PTPRN2: variants seen among roughly 807,000 people sequenced by gnomAD.
PTPRN2 encodes protein tyrosine phosphatase receptor type N2, also known as receptor-type tyrosine-protein phosphatase N2.
PTPRN2 carries 74 observed loss-of-function variants against 118.8 expected under a neutral mutation model. The ratio of observed to expected loss-of-function variants is 0.62; its 90% CI spans 0.52 to 0.76. PTPRN2 has a LOEUF of 0.76. Ranked by LOEUF, PTPRN2 falls within the 30% of genes least tolerant of loss-of-function variation. PTPRN2 has a pLI of 0.00. For missense variants in PTPRN2, 1,481 were observed against 1,394.4 expected, an observed-to-expected ratio of 1.06 and a Z score of -0.99; for synonymous variants, 641 against 608.0, an observed-to-expected ratio of 1.05 and a Z score of -0.80.
intron 11 of PTPRN2, among the ~76,000 whole-genome samples, chr7:157,982,758 G>C (rs965749698): frequency 5.4e-5 from 6 of 111,864 alleles, no homozygotes; most frequent in African/African-American, 1.4e-4. Context: ...GGAATGCAGA[G>C]TGCAGGGTCC....
intron 6 of PTPRN2, among the ~76,000 whole-genome samples, chr7:158,154,198 A>C (rs1821481837): frequency 6.6e-6 from 1 of 152,214 alleles, no homozygotes; most frequent in Non-Finnish European, 1.5e-5. Context: ...AGCGTAACGC[A>C]GAGACAGGTG....
intron 10 of PTPRN2, among the ~76,000 whole-genome samples, chr7:158,108,292 C>A (rs1815854752): frequency 6.6e-6 from 1 of 152,094 alleles, no homozygotes; most frequent in South Asian, 2.1e-4. Flanking sequence ...CCCATTGCCA[C>A]CACACCCGCC....
chr7:157,967,724 A>G (rs1395765182), intron 11 of PTPRN2, among the ~76,000 whole-genome samples: 2 of 152,192 alleles, frequency 1.3e-5, no homozygotes, highest in African/African-American at 4.8e-5. Context: ...AAAAAGAGAA[A>G]AACTCAACAA....
At chr7:158,096,205 C>T (rs780061454) in intron 10 of PTPRN2, among the ~76,000 whole-genome samples, 2 of 152,122 alleles carry the variant, frequency 1.3e-5, no homozygotes, top group Non-Finnish European at 2.9e-5. Flanking sequence ...GCCTCACAGC[C>T]GTATACATAA....
intron 1 of PTPRN2, among the ~76,000 whole-genome samples, chr7:158,566,310 C>T (rs1000855941): frequency 1.3e-5 from 2 of 151,324 alleles, no homozygotes; most frequent in East Asian, 2.0e-4. Flanking sequence ...GCCAAGATCG[C>T]ACCATTGCAC....
At chr7:158,578,737 T>C (rs1316354314) in intron 1 of PTPRN2, among the ~76,000 whole-genome samples, 1 of 151,872 alleles carries the variant, frequency 6.6e-6, no homozygotes, top group Non-Finnish European at 1.5e-5. Flanking sequence ...ATTGTTCCCT[T>C]AAGTCCTACT....
At chr7:157,847,721 T>C (rs6956620) in intron 12 of PTPRN2, among the ~76,000 whole-genome samples, 3 of 140,180 alleles carry the variant, frequency 2.1e-5, no homozygotes, top group African/African-American at 2.7e-5. Flanking sequence ...CTCCATCATG[T>C]GTGCCCAATG....
At chr7:157,952,985 T>G (rs1800930119) in intron 11 of PTPRN2, among the ~76,000 whole-genome samples, 1 of 151,498 alleles carries the variant, frequency 6.6e-6, no homozygotes, top group Non-Finnish European at 1.5e-5. Context: ...CGGCCTCCAT[T>G]GGCCCACAGG....
At chr7:157,669,432 C>G in intron 13 of PTPRN2, 2 of 455,878 alleles carry the variant, frequency 4.4e-6, no homozygotes, top group Admixed American at 4.7e-5. Context: ...CGCGCACACA[C>G]ACACACACCC....
intron 2 of PTPRN2, among the ~76,000 whole-genome samples, chr7:158,386,016 G>A (rs1166945716): frequency 1.3e-4 from 14 of 111,268 alleles, no homozygotes; most frequent in Admixed American, 8.5e-4. Context: ...CGTGCCCCAA[G>A]TCCCTCCTCC....
At chr7:157,703,009 A>AG (rs1798155056) in intron 12 of PTPRN2, among the ~76,000 whole-genome samples, 1 of 152,210 alleles carries the variant, frequency 6.6e-6, no homozygotes, top group South Asian at 2.1e-4. Flanking sequence ...ATTAAGATGA[A>AG]GGGGAGAAAA....
At chr7:158,193,000 A>G (rs1825902662) in intron 4 of PTPRN2, among the ~76,000 whole-genome samples, 1 of 152,228 alleles carries the variant, frequency 6.6e-6, no homozygotes, top group African/African-American at 2.4e-5. Context: ...TTTAGGCCTT[A>G]GGTTGATGTA....
At chr7:158,409,028 CCCAGA>C (rs1321778100) in intron 2 of PTPRN2, among the ~76,000 whole-genome samples, 1 of 152,064 alleles carries the variant, frequency 6.6e-6, no homozygotes, top group East Asian at 1.9e-4. Flanking sequence ...AGATCATCCT[CCCAGA>C]CCAGATTCCA....
At chr7:157,791,438 G>C (rs1028412796) in intron 12 of PTPRN2, among the ~76,000 whole-genome samples, 2 of 152,238 alleles carry the variant, frequency 1.3e-5, no homozygotes, top group Admixed American at 6.5e-5. Context: ...TTGGCTCTGA[G>C]GTCGGGACTG....
intron 11 of PTPRN2, among the ~76,000 whole-genome samples, chr7:158,020,115 G>C (rs1449896457): frequency 6.6e-6 from 1 of 152,228 alleles, no homozygotes; most frequent in Admixed American, 6.5e-5. Flanking sequence ...TTTGAACTCA[G>C]GAGCATCTGT....
chr7:157,796,394 C>A lies in PTPRN2; in HGVS notation c.1788+102279G>T, dbSNP rs146400596. On this transcript the variant is annotated intron_variant, in intron 12 of 22. Transcript: ENST00000389418. The stretch of plus-strand genomic sequence containing the variant: ...GGCTCTGAGCTCATCTACACCCAAT[C>A]CTAGTCAGCTCTGCTGCCCCTGCGG... 1.0e-3 allele frequency among the ~76,000 whole-genome samples: 158 copies of A among 152,334 alleles called. No individual in the cohort carries two copies. The Middle Eastern group carries it at 0.014, about 13-fold the overall frequency.
chr7:158,457,666 G>T lies in PTPRN2; in HGVS notation c.163+32069C>A, dbSNP rs4909227. ...GAGGGGCGTTAACACCAAAACTCCC[G>T]CTCCAGGGCGAGCCTGGCCTGGGGG... is the stretch of plus-strand genomic sequence containing the variant. On this transcript the variant is annotated intron_variant, in intron 2 of 22. Coordinates refer to ENST00000389418, the MANE Select transcript of PTPRN2 (RefSeq NM_002847.5). Among the ~76,000 whole-genome samples the T allele has an allele frequency of 5.7e-4, 36 of 63,234 alleles. 7 individuals carry two copies. The highest frequency in any genetic ancestry group is 4.2e-3 in the East Asian group (10 of 2,398). The allele number at this position is 63,234 out of a possible 152,430, so 41.5% of individuals were successfully genotyped here.
chr7:158,095,320 T>C (rs952606831), intron 10 of PTPRN2, among the ~76,000 whole-genome samples: 1 of 151,568 alleles, frequency 6.6e-6, no homozygotes, highest in Non-Finnish European at 1.5e-5. Flanking sequence ...TACCACAGTG[T>C]TTGGTGTCAT....
intron 22 of PTPRN2, among the ~76,000 whole-genome samples, chr7:157,547,483 C>A (rs550924570): frequency 6.6e-6 from 1 of 152,146 alleles, no homozygotes; most frequent in African/African-American, 2.4e-5. Flanking sequence ...CGTCCAGTTC[C>A]TGTTGAGCCA....
Sources: allele counts gnomAD v4.1 joint callset (sites outside exome capture counted in the v4.1 genomes callset), GRCh38; gene constraint gnomAD v4.1.1; transcripts MANE v1.5; gene names NCBI Gene and HGNC (gene_info 2026-07-23, HGNC 2026-07-21).